The following SDK1 variants were observed in gnomAD, a reference collection of about 807,000 sequenced individuals.
The protein encoded by SDK1 is sidekick cell adhesion molecule 1, also known as protein sidekick-1.
SDK1 carries 157 observed loss-of-function variants against 245.5 expected under a neutral mutation model. That is an observed-to-expected ratio of 0.64 (90% CI 0.56 to 0.73). The LOEUF (loss-of-function observed/expected upper bound fraction) is 0.73. Among genes scored for constraint, SDK1 ranks in the 30% least tolerant of loss-of-function variants. The pLI is 0.00. For synonymous variants in SDK1, 1,647 were observed against 1,278.5 expected, an observed-to-expected ratio of 1.29 and a Z score of -6.15; for missense variants, 3,583 against 3,002.3, an observed-to-expected ratio of 1.19 and a Z score of -4.52.
At chr7:4,122,443 C>T (rs988332146) in intron 25 of SDK1, among the ~76,000 whole-genome samples, 3 of 152,108 alleles carry the variant, frequency 2.0e-5, no homozygotes, top group Non-Finnish European at 4.4e-5. Context: ...TAAGTCTCCC[C>T]TCAATGGAAA....
At chr7:3,463,556 T>C (rs1436296928) in intron 1 of SDK1, among the ~76,000 whole-genome samples, 1 of 152,204 alleles carries the variant, frequency 6.6e-6, no homozygotes, top group East Asian at 1.9e-4. Context: ...TGCCAGTAAA[T>C]GGGATCATTT....
At chr7:4,249,537 C>G (rs1306920224) in intron 44 of SDK1, among the ~76,000 whole-genome samples, 2 of 152,192 alleles carry the variant, frequency 1.3e-5, no homozygotes, top group East Asian at 3.9e-4. Flanking sequence ...GGCAGAATTT[C>G]ACCTAGGATT....
At chr7:3,604,676 C>G (rs1781366361) in intron 1 of SDK1, among the ~76,000 whole-genome samples, 1 of 142,440 alleles carries the variant, frequency 7.0e-6, no homozygotes. Flanking sequence ...GATCTTGGCT[C>G]ACTGCAACCT....
At chr7:3,371,174 C>T (rs1029537850) in intron 1 of SDK1, among the ~76,000 whole-genome samples, 3 of 152,086 alleles carry the variant, frequency 2.0e-5, no homozygotes, top group Non-Finnish European at 4.4e-5. Flanking sequence ...ACGTTACTAG[C>T]CAGGCTCAGA....
chr7:3,795,152 T>C (rs1778931466), intron 4 of SDK1, among the ~76,000 whole-genome samples: 1 of 152,096 alleles, frequency 6.6e-6, no homozygotes, highest in African/African-American at 2.4e-5. Context: ...GACTCTAAAA[T>C]CTTTTAACCA....
chr7:3,413,978 A>G (rs1779288936), intron 1 of SDK1, among the ~76,000 whole-genome samples: 1 of 152,210 alleles, frequency 6.6e-6, no homozygotes, highest in Non-Finnish European at 1.5e-5. Flanking sequence ...TCTCTAAAAA[A>G]TAAAAAGATA....
chr7:3,879,628 G>A (rs1781158456), intron 5 of SDK1, among the ~76,000 whole-genome samples: 1 of 152,184 alleles, frequency 6.6e-6, no homozygotes, highest in Non-Finnish European at 1.5e-5. Flanking sequence ...GCGTGTCCAG[G>A]ATGGACACCC....
rs1781451713 is a variant in SDK1 at position 3,479,594 on chromosome 7, T to G, written c.299-139486T>G. On this transcript the variant is annotated intron_variant, in intron 1 of 44. Coordinates refer to ENST00000404826, the MANE Select transcript of SDK1 (RefSeq NM_152744.4). ...ATTACTTCACTAAGGCCAGGCATGG[T>G]GGCTCACGCCTGTAATCCCAGCACT... is the stretch of plus-strand genomic sequence containing the variant. Among the ~76,000 whole-genome samples the G allele has an allele frequency of 2.6e-5, 4 of 151,984 alleles. No homozygotes were observed. The South Asian group carries it at 8.3e-4, about 32-fold the overall frequency.
chr7:3,743,080 G>C (rs1779521450), intron 4 of SDK1, among the ~76,000 whole-genome samples: 1 of 152,194 alleles, frequency 6.6e-6, no homozygotes, highest in Non-Finnish European at 1.5e-5. Flanking sequence ...CGTGTTGTGT[G>C]TCAGGAAAGG....
At chr7:3,702,754 G>C (rs1009562037) in intron 4 of SDK1, among the ~76,000 whole-genome samples, 5 of 152,156 alleles carry the variant, frequency 3.3e-5, no homozygotes, top group Non-Finnish European at 7.3e-5. Context: ...AAATAAATTA[G>C]AAAGATGGTT....
intron 30 of SDK1, among the ~76,000 whole-genome samples, chr7:4,152,969 C>T (rs964994342): frequency 1.3e-5 from 2 of 152,076 alleles, no homozygotes; most frequent in African/African-American, 4.8e-5. Context: ...CACAGAAATG[C>T]AGTAGAGAGG....
At chr7:3,435,078 T>G (rs960914776) in intron 1 of SDK1, among the ~76,000 whole-genome samples, 2 of 152,198 alleles carry the variant, frequency 1.3e-5, no homozygotes, top group Non-Finnish European at 2.9e-5. Context: ...CTTTTTCTGA[T>G]TAGTTCATTG....
At chr7:4,179,188 C>T (rs1358988355) in intron 35 of SDK1, 1 of 152,346 alleles carries the variant, frequency 6.6e-6, no homozygotes, top group Non-Finnish European at 1.5e-5. Flanking sequence ...CAACGCCATT[C>T]CTTCGGCCAA....
intron 5 of SDK1, among the ~76,000 whole-genome samples, chr7:3,822,782 A>AAC (rs1739394421): frequency 6.6e-6 from 1 of 152,044 alleles, no homozygotes; most frequent in Non-Finnish European, 1.5e-5. Context: ...AAGAAAAAAA[A>AAC]AAAAAAGAAA....
At chr7:3,546,749 A>G (rs1018710229) in intron 1 of SDK1, among the ~76,000 whole-genome samples, 49 of 152,206 alleles carry the variant, frequency 3.2e-4, no homozygotes, top group Admixed American at 2.0e-4. Context: ...TTGCACGGGT[A>G]GCGTCCTGGA....
chr7:4,096,747 C>G (rs1050594932), intron 22 of SDK1, among the ~76,000 whole-genome samples: 5 of 151,856 alleles, frequency 3.3e-5, no homozygotes, highest in African/African-American at 1.2e-4. Context: ...TAGAAAATAC[C>G]TGGGAAACCA....
chr7:3,630,980 G>A (rs1231883159), intron 2 of SDK1, among the ~76,000 whole-genome samples: 2 of 152,038 alleles, frequency 1.3e-5, no homozygotes. Context: ...TTGTTGCCCA[G>A]GTTGGAGTGC....
intron 4 of SDK1, among the ~76,000 whole-genome samples, chr7:3,734,786 G>T (rs370759238): frequency 6.6e-5 from 10 of 152,332 alleles, no homozygotes; most frequent in African/African-American, 2.2e-4. Flanking sequence ...CAGTTGAACA[G>T]CCTCTGTCTT....
chr7:3,454,388 T>TGTGTGTGTGTG (rs1780609872), intron 1 of SDK1, among the ~76,000 whole-genome samples: 3 of 141,794 alleles, frequency 2.1e-5, no homozygotes, highest in Non-Finnish European at 3.1e-5. Flanking sequence ...TCCCCAAGAT[T>TGTGTGTGTGTG]TGTGTGTGTG....
Sources: gnomAD v4.1 joint callset for allele counts (sites outside exome capture counted in the v4.1 genomes callset) on GRCh38, gnomAD v4.1.1 for gene constraint, MANE v1.5 for transcripts, NCBI Gene and HGNC (gene_info 2026-07-23, HGNC 2026-07-21) for gene names.